Variants in CCP110 observed in about 807,000 individuals in gnomAD.
The protein encoded by CCP110 is centriolar coiled-coil protein of 110 kDa.
In CCP110, 43 loss-of-function variants were observed where a neutral mutation model predicts 105.5. The observed-to-expected ratio is 0.41, with a 90% CI of 0.32 to 0.53. CCP110 has a LOEUF of 0.53. Among genes scored for constraint, CCP110 ranks in the 20% least tolerant of loss-of-function variants. The probability of loss-of-function intolerance (pLI) is 0.32; values close to 1 mark genes in which losing one functional copy is unlikely to be tolerated. For missense variants in CCP110, 1,016 were observed against 1,189.1 expected, an observed-to-expected ratio of 0.85 and a Z score of 2.14; for synonymous variants, 353 against 392.1, an observed-to-expected ratio of 0.90 and a Z score of 1.18.
chr16:19,537,128 G>A (rs202085873), exon 4 of CCP110: 17 of 1,614,040 alleles, frequency 1.1e-5, no homozygotes, highest in Non-Finnish European at 1.4e-5. Context: ...GTTAACATCC[G>A]ATGAGAGAGG....
At chr16:19,537,538 G>A (rs1970119606) in exon 4 of CCP110, 1 of 1,592,724 alleles carries the variant, frequency 6.3e-7, no homozygotes, top group African/African-American at 1.4e-5. Flanking sequence ...GATACCCTAA[G>A]GGATCTGGCT....
chr16:19,536,067 A>G (rs1970042902), exon 4 of CCP110: 1 of 1,613,934 alleles, frequency 6.2e-7, no homozygotes, highest in African/African-American at 1.3e-5. Flanking sequence ...CATACGGAAC[A>G]CTCTACTGCA....
chr16:19,550,664 T>C (rs1970607028), intron 14 of CCP110, among the ~76,000 whole-genome samples: 1 of 152,240 alleles, frequency 6.6e-6, no homozygotes, highest in Non-Finnish European at 1.5e-5. Flanking sequence ...AAGCAATTTA[T>C]AGAAAACTAA....
intron 14 of CCP110, among the ~76,000 whole-genome samples, chr16:19,549,036 AG>A (rs1408920372): frequency 6.6e-6 from 1 of 152,110 alleles, no homozygotes; most frequent in African/African-American, 2.4e-5. Flanking sequence ...CAGTGGGAGG[AG>A]GGCTTCATAT....
In CCP110 at chr16:19,528,005, GCTATCCTT is replaced by G. The variant is rs1567347024; in HGVS notation, c.125_132del (p.Ala42ValfsTer5). ...CTCACTTATTCGCTTTCATGGAGTG[GCTATCCTT>G]TCTCCACTGGTAAACTTGCTTTGTT... On this transcript the variant is annotated frameshift_variant, in exon 2 of 15. Coordinates refer to ENST00000381396, the Ensembl canonical transcript of CCP110. LOFTEE classifies it high-confidence loss of function. 1 of 1,609,838 alleles carries G rather than the reference GCTATCCTT, an allele frequency of 6.2e-7. No homozygotes were observed. The highest frequency in any genetic ancestry group is 8.5e-7 in the Non-Finnish European group (1 of 1,178,224).
At chr16:19,527,895 A>C in exon 2 of CCP110, 1 of 1,613,398 alleles carries the variant, frequency 6.2e-7, no homozygotes, top group Non-Finnish European at 8.5e-7. Flanking sequence ...GAGGAGTATG[A>C]GAAGTTCTGT....
rs770926677 is a variant in CCP110, at chr16:19,537,536, A to G, written c.1867A>G (p.Lys623Glu). 4 of 1,594,232 alleles carry G rather than the reference A, an allele frequency of 2.5e-6. No individual in the cohort carries two copies. The South Asian group carries it at 3.5e-5, about 14-fold the overall frequency. Reference sequence around the variant, plus strand: ...ACATTTGCCAGAAAAAAGATACCCTAAGGGATCTGGCTTCGTTAACAAGAA... The same window carrying G: ...ACATTTGCCAGAAAAAAGATACCCTGAGGGATCTGGCTTCGTTAACAAGAA... The change falls in exon 4 of 15, where the codon AAG (lysine) becomes GAG (glutamate). Residue 623 changes from lysine to glutamate, a missense_variant. Coordinates refer to ENST00000381396, the Ensembl canonical transcript of CCP110.
chr16:19,536,658 G>A, exon 4 of CCP110: 1 of 1,614,058 alleles, frequency 6.2e-7, no homozygotes, highest in Non-Finnish European at 8.5e-7. Context: ...ATACGAACTG[G>A]CCATCCCACT....
exon 4 of CCP110, chr16:19,535,977 G>T: frequency 1.2e-6 from 2 of 1,611,796 alleles, no homozygotes; most frequent in South Asian, 2.2e-5. Context: ...TTTGATCAGT[G>T]GGAGATGGAA....
chr16:19,548,483 A>G lies in CCP110; in HGVS notation c.2901-32A>G, dbSNP rs1221678854. 7.5e-7 allele frequency: 1 copy of G among 1,339,854 alleles called. No homozygotes were observed. Among genetic ancestry groups the G allele is most frequent in the Admixed American group, 2.3e-5 (1 of 44,188 alleles). 83.0% of individuals were successfully genotyped at this position (1,339,854 alleles called of 1,614,324 possible). On this transcript the variant is annotated intron_variant, in intron 13 of 14. Coordinates refer to ENST00000381396, the Ensembl canonical transcript of CCP110. This position sits in a 1 kb window ranked among gnomAD's most constrained non-coding sequence, Gnocchi z 4.1. Reference sequence around the variant, plus strand: ...TTTTGAACATTTAGACCTTAATGCCAGTGACTTATTAATTTTTTTATATTC... The same window carrying G: ...TTTTGAACATTTAGACCTTAATGCCGGTGACTTATTAATTTTTTTATATTC...
exon 4 of CCP110, chr16:19,537,294 A>G (rs143488344): frequency 6.5e-5 from 105 of 1,614,126 alleles, no homozygotes; most frequent in Middle Eastern, 1.6e-4. Flanking sequence ...ACAGAACTGA[A>G]TAAGTCTTAT....
At chr16:19,529,255 C>A (rs1205353527) in intron 2 of CCP110, among the ~76,000 whole-genome samples, 1 of 152,136 alleles carries the variant, frequency 6.6e-6, no homozygotes, top group Non-Finnish European at 1.5e-5. Flanking sequence ...ATCATACACC[C>A]TTTGATACTA....
chr16:19,530,204 AT>A (rs1410054204), intron 2 of CCP110, among the ~76,000 whole-genome samples: 6 of 151,808 alleles, frequency 4.0e-5, no homozygotes, highest in African/African-American at 9.7e-5. Flanking sequence ...CTTTAAAAAA[AT>A]AACAAAACTA....
chr16:19,545,110 A>T (rs747135278), exon 10 of CCP110: 22 of 1,608,028 alleles, frequency 1.4e-5, no homozygotes, highest in Non-Finnish European at 1.9e-5. Flanking sequence ...GCTGCCTTGT[A>T]CGGTATTCAT....
At chr16:19,529,189 G>A (rs1395956559) in intron 2 of CCP110, among the ~76,000 whole-genome samples, 1 of 152,174 alleles carries the variant, frequency 6.6e-6, no homozygotes, top group East Asian at 1.9e-4. Context: ...TCAAAGGATG[G>A]CTATTCCTTT....
intron 2 of CCP110, among the ~76,000 whole-genome samples, chr16:19,530,882 AGGGATC>A (rs1258144330): frequency 6.6e-6 from 1 of 152,106 alleles, no homozygotes; most frequent in Non-Finnish European, 1.5e-5. Context: ...TGAACCCAGG[AGGGATC>A]GGGATCGCAC....
At chr16:19,550,964 C>G (rs1041027706) in intron 14 of CCP110, among the ~76,000 whole-genome samples, 1 of 152,186 alleles carries the variant, frequency 6.6e-6, no homozygotes, top group Non-Finnish European at 1.5e-5. Context: ...CTTGGGTTAT[C>G]AGAGTTCTTC....
Position 19,548,948 on chromosome 16 carries a change from G to T in CCP110, c.2986+348G>T, listed in dbSNP as rs1051248298. ...CTGGTGCTAAGTCTGTGCATTGTCT[G>T]TTCAGCTTGGGGAAGTGTATCTGCA... On this transcript the variant is annotated intron_variant, in intron 14 of 14. Coordinates refer to ENST00000381396, the Ensembl canonical transcript of CCP110. The surrounding 1 kb of genome is among the most constrained non-coding windows in gnomAD (Gnocchi z 4.1). Among the ~76,000 whole-genome samples the T allele has an allele frequency of 6.6e-6, 1 of 152,150 alleles. No homozygotes were observed. The highest frequency in any genetic ancestry group is 1.9e-4 in the East Asian group (1 of 5,198).
At chr16:19,544,113 A>G (rs1241097100) in intron 8 of CCP110, among the ~76,000 whole-genome samples, 1 of 152,112 alleles carries the variant, frequency 6.6e-6, no homozygotes, top group African/African-American at 2.4e-5. Flanking sequence ...CCAATATGTG[A>G]TGTCCCCCTC....
Sources: allele counts gnomAD v4.1 joint callset (sites outside exome capture counted in the v4.1 genomes callset), GRCh38; gene constraint gnomAD v4.1.1; non-coding constraint Gnocchi (gnomAD v3.1); transcripts MANE v1.5; gene names NCBI Gene and HGNC (gene_info 2026-07-23, HGNC 2026-07-21).